Variants in NRG3 observed in about 807,000 individuals in gnomAD.
NRG3 encodes neuregulin 3.
NRG3 carries 31 observed loss-of-function variants against 66.9 expected under a neutral mutation model. The ratio of observed to expected loss-of-function variants is 0.46; its 90% CI spans 0.35 to 0.63. NRG3 has a LOEUF of 0.63. Ranked by LOEUF, NRG3 falls within the 20% of genes least tolerant of loss-of-function variation. The pLI, the probability that NRG3 is intolerant of heterozygous loss-of-function variation, is 0.00. For synonymous variants in NRG3, 393 were observed against 359.4 expected, an observed-to-expected ratio of 1.09 and a Z score of -1.06; for missense variants, 910 against 878.9, an observed-to-expected ratio of 1.04 and a Z score of -0.45.
intron 4 of NRG3, among the ~76,000 whole-genome samples, chr10:82,884,192 C>G (rs1313296046): frequency 6.6e-6 from 1 of 152,084 alleles, no homozygotes; most frequent in Non-Finnish European, 1.5e-5. Flanking sequence ...TCTTACATAA[C>G]TGCAGTTGTT....
intron 3 of NRG3, among the ~76,000 whole-genome samples, chr10:82,803,808 A>AT (rs61224726): frequency 0.2 from 30,625 of 152,166 alleles, 3,099 homozygotes; most frequent in African/African-American, 0.22. Flanking sequence ...TACAAAAAAT[A>AT]TTTAGCTCAA....
chr10:82,442,677 A>G (rs2090491845), intron 2 of NRG3, among the ~76,000 whole-genome samples: 1 of 151,900 alleles, frequency 6.6e-6, no homozygotes, highest in South Asian at 2.1e-4. Flanking sequence ...AAAAATAGTC[A>G]GAGTCTACAC....
At chr10:82,180,981 A>G (rs1306801825) in intron 1 of NRG3, among the ~76,000 whole-genome samples, 1 of 151,312 alleles carries the variant, frequency 6.6e-6, no homozygotes, top group Non-Finnish European at 1.5e-5. Context: ...CTGATTTTTC[A>G]TTTCTTTCTA....
chr10:82,777,731 G>A (rs1395307699), intron 3 of NRG3, among the ~76,000 whole-genome samples: 1 of 152,162 alleles, frequency 6.6e-6, no homozygotes, highest in African/African-American at 2.4e-5. Flanking sequence ...GAGACATTTT[G>A]AGCACTGAGA....
intron 1 of NRG3, among the ~76,000 whole-genome samples, chr10:81,926,730 T>C (rs984423034): frequency 2.0e-5 from 3 of 152,136 alleles, no homozygotes; most frequent in Non-Finnish European, 2.9e-5. Flanking sequence ...CAAAGCTGGT[T>C]TATGAGCAAG....
chr10:82,511,147 A>G (rs775034809), intron 2 of NRG3, among the ~76,000 whole-genome samples: 1 of 152,220 alleles, frequency 6.6e-6, no homozygotes, highest in Admixed American at 6.5e-5. Context: ...AACTGTGGAC[A>G]CAAGGGAAAG....
At chr10:82,955,960 G>A (rs970848711) in intron 5 of NRG3, among the ~76,000 whole-genome samples, 4 of 151,822 alleles carry the variant, frequency 2.6e-5, no homozygotes, top group Non-Finnish European at 5.9e-5. Context: ...AGCTCCCTCT[G>A]AGGTTTGCTG....
chr10:82,682,870 C>A (rs2054208184), intron 2 of NRG3, among the ~76,000 whole-genome samples: 1 of 150,880 alleles, frequency 6.6e-6, no homozygotes, highest in Non-Finnish European at 1.5e-5. Context: ...GCAAATTATG[C>A]TGTGGGGAAA....
At chr10:82,804,041 A>G (rs375594990) in intron 3 of NRG3, among the ~76,000 whole-genome samples, 1 of 152,278 alleles carries the variant, frequency 6.6e-6, no homozygotes, top group African/African-American at 2.4e-5. Flanking sequence ...CTCCCAGCCC[A>G]CCAGTCACTT....
In NRG3 at chr10:82,084,299, T is replaced by A. The variant is rs938312467; in HGVS notation, c.823+208136T>A. On this transcript the variant is annotated intron_variant, in intron 1 of 8. Transcript: ENST00000372141. Reference sequence around the variant, plus strand: ...TATTTAAAAAGAATCTCATACAGTTTTCATTTTTGCATATTACTTTTCAGT... The same window carrying A: ...TATTTAAAAAGAATCTCATACAGTTATCATTTTTGCATATTACTTTTCAGT... Among the ~76,000 whole-genome samples the A allele has an allele frequency of 4.6e-5, 7 of 152,158 alleles. 1 individual carries two copies. The highest frequency in any genetic ancestry group is 7.3e-5 in the Non-Finnish European group (5 of 68,038).
At chr10:82,925,683 G>T (rs1846914496) in intron 4 of NRG3, among the ~76,000 whole-genome samples, 1 of 152,208 alleles carries the variant, frequency 6.6e-6, no homozygotes, top group Non-Finnish European at 1.5e-5. Flanking sequence ...ATACATAGAT[G>T]ATGACAGAGA....
chr10:81,963,529 A>T (rs1038413840), intron 1 of NRG3, among the ~76,000 whole-genome samples: 1 of 152,194 alleles, frequency 6.6e-6, no homozygotes, highest in African/African-American at 2.4e-5. Context: ...TTACACCTAA[A>T]CATACATACA....
chr10:82,106,480 A>C (rs1204239432), intron 1 of NRG3, among the ~76,000 whole-genome samples: 1 of 151,186 alleles, frequency 6.6e-6, no homozygotes, highest in Non-Finnish European at 1.5e-5. Flanking sequence ...TTTGCTCTAG[A>C]TTTTTATTTT....
rs1852739568 is a variant in NRG3, at chr10:82,980,337, G to C, written c.1583+1217G>C. Among the ~76,000 whole-genome samples, 4 of 152,148 alleles carry C rather than the reference G, an allele frequency of 2.6e-5. No individual in the cohort carries two copies. In the South Asian group the frequency reaches 8.3e-4, roughly 32 times the overall value. On this transcript the variant is annotated intron_variant, in intron 8 of 8. Coordinates refer to ENST00000372141, the MANE Select transcript of NRG3 (RefSeq NM_001010848.4). ...ACACAGTAAGCAGAGAAGTGGTACT[G>C]GTATTTATTGTCACAGTAATTGTTA...
At chr10:82,759,755 A>C (rs1375634065) in intron 3 of NRG3, among the ~76,000 whole-genome samples, 1 of 152,174 alleles carries the variant, frequency 6.6e-6, no homozygotes, top group Non-Finnish European at 1.5e-5. Flanking sequence ...GAAGACTCTT[A>C]ACCAGGGTTC....
intron 2 of NRG3, among the ~76,000 whole-genome samples, chr10:82,361,621 T>C (rs2084148548): frequency 6.6e-6 from 1 of 152,202 alleles, no homozygotes; most frequent in Admixed American, 6.5e-5. Context: ...AATAAATACA[T>C]ACAGAAATGA....
intron 3 of NRG3, among the ~76,000 whole-genome samples, chr10:82,798,832 A>G (rs1405695193): frequency 2.0e-5 from 3 of 152,116 alleles, no homozygotes; most frequent in Non-Finnish European, 1.5e-5. Context: ...TCTCACATCA[A>G]CTTGATTTTT....
chr10:82,176,382 G>A (rs571426486), intron 1 of NRG3, among the ~76,000 whole-genome samples: 8 of 152,238 alleles, frequency 5.3e-5, no homozygotes, highest in Admixed American at 4.6e-4. Flanking sequence ...TCTGACTGAA[G>A]TGATTGGCAC....
chr10:82,222,390 G>A (rs898746757), intron 1 of NRG3, among the ~76,000 whole-genome samples: 3 of 152,116 alleles, frequency 2.0e-5, no homozygotes, highest in Non-Finnish European at 4.4e-5. Context: ...AGGAGCATAA[G>A]TTGGATGAGC....
Sources: gnomAD v4.1 joint callset for allele counts (sites outside exome capture counted in the v4.1 genomes callset) on GRCh38, gnomAD v4.1.1 for gene constraint, MANE v1.5 for transcripts, NCBI Gene and HGNC (gene_info 2026-07-23, HGNC 2026-07-21) for gene names.